The following TNKS1BP1 variants were observed in gnomAD, a reference collection of about 807,000 sequenced individuals.
TNKS1BP1 encodes CCR4-NOT transcription complex subunit 12.
TNKS1BP1 carries 48 observed loss-of-function variants against 141.1 expected under a neutral mutation model. The observed-to-expected ratio is 0.34, with a 90% CI of 0.27 to 0.43. The LOEUF (loss-of-function observed/expected upper bound fraction) is 0.43. TNKS1BP1 is among the 20% of genes least tolerant of loss of function. The pLI is 1.00. For synonymous variants in TNKS1BP1, 875 were observed against 898.2 expected (o/e 0.97, Z 0.46); for missense variants, 2,149 against 2,226.0 (o/e 0.97, Z 0.70).
At chr11:57,314,174 A>G (rs970584316) in intron 4 of TNKS1BP1, among the ~76,000 whole-genome samples, 7 of 152,160 alleles carry the variant, frequency 4.6e-5, no homozygotes, top group African/African-American at 1.7e-4. Flanking sequence ...CACCCACTCA[A>G]CCCAAAGCTC....
chr11:57,302,096 T>G lies in TNKS1BP1; in HGVS notation c.4812A>C (p.Ala1604=). The G allele has an allele frequency of 6.2e-7, 1 of 1,613,828 alleles. No homozygotes were observed. ...TACCTGTAGAGTCCTGGAACAGGTGTGCATCCGAGTCTGCTGCCTCCGACA... is the reference window on the plus strand; with the variant it reads ...TACCTGTAGAGTCCTGGAACAGGTGGGCATCCGAGTCTGCTGCCTCCGACA... ...LGLSEAADSD[A]HLFQDSTEPR... is the part of the protein sequence containing the mutation. The change falls in exon 8 of 12, where the codon GCA becomes GCC. Residue 1604 remains alanine, a synonymous_variant. Transcript: ENST00000358252. This position sits in a 1 kb window ranked among gnomAD's most constrained non-coding sequence, Gnocchi z 5.5.
intron 10 of TNKS1BP1, 46 bp downstream of exon 10, chr11:57,300,838 G>A (rs1367114897): frequency 3.8e-6 from 6 of 1,597,876 alleles, no homozygotes; most frequent in Non-Finnish European, 5.1e-6. Context: ...TTTTCATCAG[G>A]GTAATACAGT....
intron 4 of TNKS1BP1, 66 bp downstream of exon 4, chr11:57,317,752 T>G: frequency 2.7e-6 from 4 of 1,470,744 alleles, no homozygotes; most frequent in Non-Finnish European, 3.8e-6. Context: ...GTAGAAAAGA[T>G]GATCTCATAT....
In TNKS1BP1 at chr11:57,302,654, C is replaced by A. The variant is rs1169878951; in HGVS notation, c.4488G>T (p.Val1496=). 6.2e-7 allele frequency: 1 copy of A among 1,610,220 alleles called. No homozygotes were observed. Residue 1496 remains valine, a synonymous_variant, in exon 7 of 12, where the codon GTG becomes GTT. Transcript: ENST00000358252. The surrounding 1 kb of genome is among the most constrained non-coding windows in gnomAD (Gnocchi z 5.5). ...GAGAGAAQEE[V]LEPGRDSPPS... The stretch of plus-strand genomic sequence containing the variant: ...GTGGAGAGTCCCTGCCAGGCTCCAG[C>A]ACCTCCTCTTGGGCAGCACCTGCCC...
At chr11:57,312,447 A>G in intron 5 of TNKS1BP1, 87 bp downstream of exon 5, 1 of 1,362,908 alleles carries the variant, frequency 7.3e-7, no homozygotes. Flanking sequence ...AGCTCTCGAC[A>G]TGTAAAATCC....
Position 57,313,589 on chromosome 11 carries a change from GTCTGGGGGCC to G in TNKS1BP1, c.1089_1098del (p.Glu363AspfsTer26), listed in dbSNP as rs1395682842. On this transcript the variant is annotated frameshift_variant, in exon 5 of 12. Coordinates refer to ENST00000358252, the MANE Select transcript of TNKS1BP1 (RefSeq NM_033396.3). LOFTEE classifies it high-confidence loss of function. ...AAGACCTCAGGGGGTGGGCTGCTGGGTCTGGGGGCCTCTGGAGCCCCCTCGGCAGGGAGCC... is the reference window on the plus strand; with the variant it reads ...AAGACCTCAGGGGGTGGGCTGCTGGGTCTGGAGCCCCCTCGGCAGGGAGCC... 1 of 1,597,008 alleles carries G rather than the reference GTCTGGGGGCC, an allele frequency of 6.3e-7. No homozygotes were observed. Among genetic ancestry groups the G allele is most frequent in the African/African-American group, 1.3e-5 (1 of 74,584 alleles).
chr11:57,312,569 G>T lies in TNKS1BP1; in HGVS notation c.2119C>A (p.Leu707Met), dbSNP rs1855729115. 6.6e-7 allele frequency: 1 copy of T among 1,510,296 alleles called. No individual in the cohort carries two copies. The highest frequency in any genetic ancestry group is 1.4e-5 in the African/African-American group (1 of 71,682). 93.6% of individuals were successfully genotyped at this position (1,510,296 alleles called of 1,614,324 possible). A position where few individuals can be genotyped will look rare whatever the true frequency, so the allele number is the denominator to read the frequency against. Residue 707 changes from leucine (L) to methionine (M), a missense_variant, in exon 5 of 12, where the codon CTG (leucine) becomes ATG (methionine). Leu to Met is a conservative substitution (Grantham distance 15). Transcript: ENST00000358252. ...GTACTTGGGGACTGTGTGTCCTTCA[G>T]CTCAGCTCCAGCTCCCCGCCTTGCA... ...GGARRGAGAE[L>M]KDTQSPSTCS...
intron 3 of TNKS1BP1, 57 bp downstream of exon 3, chr11:57,320,022 A>AACCCCCCCCCCCG: frequency 8.9e-7 from 1 of 1,118,688 alleles, no homozygotes; most frequent in East Asian, 3.1e-5. Flanking sequence ...CCCCCACCCA[A>AACCCCCCCCCCCG]TCCCACCCCA....
chr11:57,305,722 C>G (rs776222211), intron 6 of TNKS1BP1, among the ~76,000 whole-genome samples: 3 of 152,162 alleles, frequency 2.0e-5, no homozygotes, highest in African/African-American at 4.8e-5. Flanking sequence ...AGTCACACTG[C>G]CTCTCTGGGT....
intron 4 of TNKS1BP1, among the ~76,000 whole-genome samples, chr11:57,314,946 G>A (rs540523697): frequency 6.6e-5 from 10 of 152,160 alleles, no homozygotes; most frequent in African/African-American, 1.7e-4. Context: ...GTCAAAGCTC[G>A]TGCCCTTAAA....
intron 4 of TNKS1BP1, among the ~76,000 whole-genome samples, chr11:57,314,217 G>C (rs947565218): frequency 2.4e-4 from 36 of 152,180 alleles, no homozygotes; most frequent in Non-Finnish European, 1.0e-4. Flanking sequence ...CACAGTTCGG[G>C]GTCCATAACA....
In TNKS1BP1 at chr11:57,310,568, A is replaced by G. The variant is rs980953940; in HGVS notation, c.2155-12T>C. Reference sequence around the variant, plus strand: ...CAGCCAAGGAGTCCCTGGGAATAAGAAAAAAAAACAGACAAAGAAACAACG... The same window carrying G: ...CAGCCAAGGAGTCCCTGGGAATAAGGAAAAAAAACAGACAAAGAAACAACG... On this transcript the variant is annotated splice_polypyrimidine_tract_variant and intron_variant, in intron 5 of 11. Transcript: ENST00000358252. 6.3e-7 allele frequency: 1 copy of G among 1,575,428 alleles called. No individual in the cohort carries two copies.
Position 57,302,024 on chromosome 11 carries a change from C to A in TNKS1BP1, c.4834+50G>T. On this transcript the variant is annotated intron_variant, in intron 8 of 11. Coordinates refer to ENST00000358252, the MANE Select transcript of TNKS1BP1 (RefSeq NM_033396.3). The surrounding 1 kb of genome is among the most constrained non-coding windows in gnomAD (Gnocchi z 5.5). ...CCCATAACCCCTGCAAAAGCTTGGC[C>A]TAATGCCCTAGAGATCAAGAGACAT... 6.2e-7 allele frequency: 1 copy of A among 1,604,564 alleles called. No individual in the cohort carries two copies. Among genetic ancestry groups the A allele is most frequent in the Non-Finnish European group, 8.5e-7 (1 of 1,172,280 alleles).
rs1855946611 is a variant in TNKS1BP1 at position 57,324,927 on chromosome 11, C to T, written c.-153G>A. The stretch of plus-strand genomic sequence containing the variant: ...GCCGCTGCTACCGCCGCCGCCGCCG[C>T]CGTCACCGCGGGACGAAGCCACTGC... On this transcript the variant is annotated 5_prime_UTR_variant, in exon 1 of 12. Coordinates refer to ENST00000358252, the MANE Select transcript of TNKS1BP1 (RefSeq NM_033396.3). 4 of 994,184 alleles carry T rather than the reference C, an allele frequency of 4.0e-6. No individual in the cohort carries two copies. The highest frequency in any genetic ancestry group is 1.7e-5 in the African/African-American group (1 of 57,298). The allele number at this position is 994,184 out of a possible 1,614,324, so 61.6% of individuals were successfully genotyped here.
At chr11:57,320,037 A>G in intron 3 of TNKS1BP1, 42 bp downstream of exon 3, 3 of 910,382 alleles carry the variant, frequency 3.3e-6, no homozygotes, top group East Asian at 4.7e-5. Flanking sequence ...ACCCCACCTG[A>G]CCTCCAGGCT....
chr11:57,316,935 C>A (rs1334733975), intron 4 of TNKS1BP1, among the ~76,000 whole-genome samples: 1 of 152,202 alleles, frequency 6.6e-6, no homozygotes, highest in Admixed American at 6.5e-5. Flanking sequence ...ACAATCCAAC[C>A]CCCCAACCCG....
intron 2 of TNKS1BP1, among the ~76,000 whole-genome samples, chr11:57,321,330 C>T (rs1415615572): frequency 6.6e-6 from 1 of 151,722 alleles, no homozygotes; most frequent in East Asian, 1.9e-4. Flanking sequence ...AAAAAAAAAA[C>T]AGGACCAGAA....
chr11:57,311,713 A>T (rs1855715947), intron 5 of TNKS1BP1, among the ~76,000 whole-genome samples: 1 of 151,594 alleles, frequency 6.6e-6, no homozygotes, highest in African/African-American at 2.4e-5. Context: ...TTCGAAAGCC[A>T]CCTGGCCCCC....
Position 57,312,834 on chromosome 11 carries a change from G to A in TNKS1BP1, c.1854C>T (p.Val618=). ...REAALPILEP[V]LGQEQPAAPD... is the part of the protein sequence containing the mutation. ...GGGCTGCTGGCTGCTCCTGCCCCAG[G>A]ACTGGCTCCAGGATGGGCAAGGCTG... The change falls in exon 5 of 12, where the codon GTC becomes GTT. Residue 618 remains valine (V), a synonymous_variant. Transcript: ENST00000358252. The A allele has an allele frequency of 1.9e-6, 3 of 1,611,812 alleles. No individual in the cohort carries two copies. Among genetic ancestry groups the A allele is most frequent in the Admixed American group, 1.7e-5 (1 of 59,878 alleles).
Sources: gnomAD v4.1 joint callset for allele counts (sites outside exome capture counted in the v4.1 genomes callset) on GRCh38, gnomAD v4.1.1 for gene constraint, Gnocchi (gnomAD v3.1) non-coding constraint, MANE v1.5 for transcripts, NCBI Gene and HGNC (gene_info 2026-07-23, HGNC 2026-07-21) for gene names.